TASP1: variants seen among roughly 807,000 people sequenced by gnomAD.
TASP1 encodes taspase 1.
TASP1 carries 16 observed loss-of-function variants against 56.6 expected under a neutral mutation model. The observed-to-expected ratio is 0.28, with a 90% CI of 0.19 to 0.43. The LOEUF (loss-of-function observed/expected upper bound fraction) is 0.43, where lower values mean the gene tolerates loss of function less well. TASP1 is among the 20% of genes least tolerant of loss of function. The probability of loss-of-function intolerance (pLI) is 1.00; values close to 1 mark genes in which losing one functional copy is unlikely to be tolerated. For synonymous variants in TASP1, 179 were observed against 184.2 expected (o/e 0.97, Z 0.23); for missense variants, 393 against 511.6 (o/e 0.77, Z 2.24).
the TASP1 span, among the ~76,000 whole-genome samples, chr20:13,128,211 C>G: frequency 6.6e-6 from 1 of 152,080 alleles, no homozygotes; most frequent in Admixed American, 6.5e-5. Flanking sequence ...CTGAGGTGAT[C>G]GACAAGTATT....
the TASP1 span, among the ~76,000 whole-genome samples, chr20:13,181,789 C>T: frequency 8.7e-4 from 133 of 152,282 alleles, no homozygotes; most frequent in Non-Finnish European, 1.2e-3. Context: ...GACGCAGTTC[C>T]TTCATCTGTA....
At chr20:13,394,864 C>T (rs1157870425) in intron 13 of TASP1, among the ~76,000 whole-genome samples, 1 of 152,104 alleles carries the variant, frequency 6.6e-6, no homozygotes, top group East Asian at 1.9e-4. Context: ...ACTGACTGTT[C>T]AAAGCCAATA....
chr20:13,275,000 A>C, the TASP1 span, among the ~76,000 whole-genome samples: 2 of 152,246 alleles, frequency 1.3e-5, no homozygotes, highest in Non-Finnish European at 2.9e-5. Flanking sequence ...AGACTTTGGT[A>C]TCCTTGGCTG....
chr20:13,386,840 C>G (rs2041166242), downstream of TASP1, among the ~76,000 whole-genome samples: 2 of 152,132 alleles, frequency 1.3e-5, no homozygotes, highest in African/African-American at 4.8e-5. Context: ...TATTGATATC[C>G]AAATTCAATT....
the TASP1 span, among the ~76,000 whole-genome samples, chr20:13,359,444 C>G: frequency 2.6e-5 from 4 of 151,668 alleles, no homozygotes; most frequent in Admixed American, 6.6e-5. Context: ...CTGACACTGC[C>G]CGATGGCCTC....
chr20:13,528,042 C>T (rs1439557583), intron 10 of TASP1, among the ~76,000 whole-genome samples: 1 of 151,426 alleles, frequency 6.6e-6, no homozygotes, highest in Non-Finnish European at 1.5e-5. Flanking sequence ...GCCAACATGG[C>T]AAAACCCTGT....
the TASP1 span, among the ~76,000 whole-genome samples, chr20:13,191,577 G>T: frequency 6.6e-6 from 1 of 152,330 alleles, no homozygotes; most frequent in South Asian, 2.1e-4. Context: ...CTGGTTTCCA[G>T]AGGCTGATAA....
At chr20:13,470,281 A>G (rs2044439302) in intron 11 of TASP1, among the ~76,000 whole-genome samples, 1 of 152,078 alleles carries the variant, frequency 6.6e-6, no homozygotes, top group Non-Finnish European at 1.5e-5. Flanking sequence ...GGGCACTCTG[A>G]GAGGTATTTC....
intron 10 of TASP1, among the ~76,000 whole-genome samples, chr20:13,495,523 G>A (rs892027575): frequency 6.6e-6 from 1 of 152,014 alleles, no homozygotes; most frequent in Non-Finnish European, 1.5e-5. Flanking sequence ...TAGAATTTAA[G>A]GAATATCAAT....
chr20:13,480,788 A>G (rs2043113408), intron 11 of TASP1, among the ~76,000 whole-genome samples: 1 of 152,178 alleles, frequency 6.6e-6, no homozygotes, highest in Non-Finnish European at 1.5e-5. Context: ...GGGTTCCTAG[A>G]AAGTGAATGT....
intron 6 of TASP1, among the ~76,000 whole-genome samples, chr20:13,580,135 G>C (rs2047068360): frequency 6.6e-6 from 1 of 152,172 alleles, no homozygotes; most frequent in Non-Finnish European, 1.5e-5. Context: ...AAACTACAAT[G>C]TCAGGGATTT....
chr20:13,156,254 G>C, the TASP1 span, among the ~76,000 whole-genome samples: 2 of 152,176 alleles, frequency 1.3e-5, no homozygotes, highest in African/African-American at 4.8e-5. Context: ...TGACAGTAGG[G>C]AGTGTTCTGG....
At chr20:13,291,582 G>A in the TASP1 span, among the ~76,000 whole-genome samples, 2 of 152,138 alleles carry the variant, frequency 1.3e-5, no homozygotes, top group Admixed American at 6.5e-5. Flanking sequence ...AGCTTGCACC[G>A]GATTCCTGAT....
intron 4 of TASP1, among the ~76,000 whole-genome samples, chr20:13,614,245 A>G (rs1455588357): frequency 6.6e-6 from 1 of 152,214 alleles, no homozygotes; most frequent in African/African-American, 2.4e-5. Flanking sequence ...TGAGTCAAAC[A>G]TAGTATGTTG....
the TASP1 span, among the ~76,000 whole-genome samples, chr20:13,108,408 A>C: frequency 6.6e-6 from 1 of 152,170 alleles, no homozygotes; most frequent in Non-Finnish European, 1.5e-5. Flanking sequence ...AACAGATCTG[A>C]GCACAGACTG....
chr20:13,262,930 A>G, the TASP1 span, among the ~76,000 whole-genome samples: 2 of 152,294 alleles, frequency 1.3e-5, no homozygotes, highest in Admixed American at 6.5e-5. Flanking sequence ...TTCTGCCGCC[A>G]TAACTAGGGA....
the TASP1 span, among the ~76,000 whole-genome samples, chr20:13,179,126 A>T: frequency 5.3e-5 from 8 of 152,198 alleles, no homozygotes; most frequent in Non-Finnish European, 1.2e-4. Context: ...GGATACTACA[A>T]AGATTGAGCA....
chr20:13,576,400 A>AGTCT (rs199665601), intron 6 of TASP1, among the ~76,000 whole-genome samples: 4,017 of 151,096 alleles, frequency 0.027, 204 homozygotes, highest in African/African-American at 0.091. Context: ...AAAGAAAGTC[A>AGTCT]GTCTTATGGA....
At chr20:13,135,272 T>C in the TASP1 span, among the ~76,000 whole-genome samples, 3 of 152,206 alleles carry the variant, frequency 2.0e-5, no homozygotes, top group Admixed American at 6.5e-5. Context: ...TGATTTATCA[T>C]AGGATGACTC....
Sources: gnomAD v4.1 joint callset for allele counts (sites outside exome capture counted in the v4.1 genomes callset) on GRCh38, gnomAD v4.1.1 for gene constraint, MANE v1.5 for transcripts, NCBI Gene and HGNC (gene_info 2026-07-23, HGNC 2026-07-21) for gene names.